The following EIF2A variants were observed in gnomAD, a reference collection of about 807,000 sequenced individuals.
EIF2A encodes the protein eukaryotic translation initiation factor 2A.
In EIF2A, 62 loss-of-function variants were observed where a neutral mutation model predicts 75.2. That is an observed-to-expected ratio of 0.82 (90% CI 0.67 to 1.02). EIF2A has a LOEUF of 1.02. Among genes scored for constraint, EIF2A ranks in the 50% least tolerant of loss-of-function variants. The pLI is 0.00. For missense variants in EIF2A, 611 were observed against 677.7 expected (o/e 0.90, Z 1.09); for synonymous variants, 207 against 239.0 (o/e 0.87, Z 1.23).
At position 150,567,891 on chromosome 3, in the gene EIF2A, A is replaced by G. The variant is rs374651881; in HGVS notation, c.550-11A>G. 8.3e-5 allele frequency: 133 copies of G among 1,593,866 alleles called. No individual in the cohort carries two copies. Among genetic ancestry groups the G allele is most frequent in the East Asian group, 2.7e-4 (12 of 44,770 alleles). ...AAAAATTAAGTAATGATTTATGTCT[A>G]TGTATCTTAGGTGGCTGTCTATGTT... is the stretch of plus-strand genomic sequence containing the variant. On this transcript the variant is annotated splice_polypyrimidine_tract_variant and intron_variant, in intron 7 of 13. Coordinates refer to ENST00000460851, the MANE Select transcript of EIF2A (RefSeq NM_032025.5).
rs568856421 is a variant in EIF2A, at chr3:150,564,180, T to C, written c.393-119T>C. 8 of 693,528 alleles carry C rather than the reference T, an allele frequency of 1.2e-5. No homozygotes were observed. The East Asian group carries it at 2.0e-4, about 18-fold the overall frequency. 43.0% of individuals were successfully genotyped at this position (693,528 alleles called of 1,614,324 possible). ...ACTGACTTAATATCATATTTATAAG[T>C]GTTTATAAGTGTTTTTCCTTAAATG... On this transcript the variant is annotated intron_variant, in intron 5 of 13. Transcript: ENST00000460851.
chr3:150,551,765 A>T (rs1723328683), intron 1 of EIF2A, among the ~76,000 whole-genome samples: 3 of 152,154 alleles, frequency 2.0e-5, no homozygotes, highest in African/African-American at 7.2e-5. Context: ...TAAGAAGTAT[A>T]GTCTAGTTCT....
intron 10 of EIF2A, 27 bp downstream of exon 10, chr3:150,572,556 G>GA: frequency 1.3e-6 from 2 of 1,569,850 alleles, no homozygotes; most frequent in Non-Finnish European, 1.7e-6. Context: ...TACTTTTATA[G>GA]AAAAAAGTTT....
intron 9 of EIF2A, 44 bp from the exon 10 acceptor site, chr3:150,571,914 T>C (rs1299144831): frequency 6.6e-7 from 1 of 1,525,462 alleles, no homozygotes; most frequent in South Asian, 1.3e-5. Context: ...CAAATATTTA[T>C]ATAGTTCTTT....
Position 150,550,680 on chromosome 3 carries a change from C to T in EIF2A, c.29-1676C>T, listed in dbSNP as rs142574527. Among the ~76,000 whole-genome samples, 448 of 152,258 alleles carry T rather than the reference C, an allele frequency of 2.9e-3. 2 individuals are homozygous for T. The highest frequency in any genetic ancestry group is 0.01 in the African/African-American group (420 of 41,548). ...CAGCCTAGGCAATGTAGTGAAACCT[C>T]GTCTCTACAAGAAATATAAAACTTA... On this transcript the variant is annotated intron_variant, in intron 1 of 13. Coordinates refer to ENST00000460851, the MANE Select transcript of EIF2A (RefSeq NM_032025.5).
chr3:150,567,789 T>C, intron 7 of EIF2A, 23 bp downstream of exon 7: 1 of 1,568,076 alleles, frequency 6.4e-7, no homozygotes, highest in Non-Finnish European at 8.6e-7. Context: ...TTTGTTTATG[T>C]GTAATATTAT....
At chr3:150,582,288 G>A (rs189257617) in intron 12 of EIF2A, among the ~76,000 whole-genome samples, 3 of 150,958 alleles carry the variant, frequency 2.0e-5, no homozygotes, top group African/African-American at 4.9e-5. Flanking sequence ...GAGCCTCCTC[G>A]CCTGGCCACT....
chr3:150,551,634 A>C (rs1168942472), intron 1 of EIF2A, among the ~76,000 whole-genome samples: 1 of 152,004 alleles, frequency 6.6e-6, no homozygotes, highest in Non-Finnish European at 1.5e-5. Flanking sequence ...AAACTGAGCC[A>C]GGAGCATCAC....
chr3:150,552,464 A>G, intron 2 of EIF2A, 39 bp downstream of exon 2: 2 of 1,501,636 alleles, frequency 1.3e-6, no homozygotes, highest in Non-Finnish European at 1.8e-6. Flanking sequence ...TAGGGAACAT[A>G]CAGTACAATC....
intron 2 of EIF2A, among the ~76,000 whole-genome samples, chr3:150,554,840 A>G (rs1485062734): frequency 2.0e-5 from 3 of 152,214 alleles, no homozygotes; most frequent in African/African-American, 7.2e-5. Flanking sequence ...CTATATTGGC[A>G]TCACTCCTGA....
chr3:150,582,832 G>A (rs748044733), intron 12 of EIF2A, among the ~76,000 whole-genome samples: 32 of 151,996 alleles, frequency 2.1e-4, no homozygotes, highest in Non-Finnish European at 1.6e-4. Flanking sequence ...ACTTTTTATC[G>A]GGCAGGACTT....
intron 2 of EIF2A, among the ~76,000 whole-genome samples, chr3:150,554,347 T>G (rs1235582730): frequency 1.3e-5 from 2 of 152,214 alleles, no homozygotes; most frequent in South Asian, 2.1e-4. Flanking sequence ...ACAAACTGTT[T>G]CTCAGAGTAA....
At chr3:150,563,260 G>A (rs1391448552) in intron 4 of EIF2A, among the ~76,000 whole-genome samples, 1 of 152,086 alleles carries the variant, frequency 6.6e-6, no homozygotes, top group Non-Finnish European at 1.5e-5. Context: ...CTGAGTTTTT[G>A]TTCTTTCAAG....
intron 2 of EIF2A, chr3:150,552,648 A>G (rs1723371904): frequency 8.2e-6 from 3 of 366,462 alleles, no homozygotes; most frequent in Non-Finnish European, 1.5e-5. Flanking sequence ...AGGGGGAACA[A>G]TACTAAGAAA....
intron 6 of EIF2A, chr3:150,567,224 TTGTTAC>T (rs1724235774): frequency 6.5e-6 from 1 of 152,762 alleles, no homozygotes. Context: ...ATATCAGCCA[TTGTTAC>T]TGTGGTTGTG....
At chr3:150,564,551 G>A (rs149875782) in intron 6 of EIF2A, 170 bp downstream of exon 6, 9,454 of 452,262 alleles carry the variant, frequency 0.021, 178 homozygotes, top group South Asian at 0.043. Context: ...GTGAAAATCT[G>A]TAACACAAAG....
intron 11 of EIF2A, among the ~76,000 whole-genome samples, chr3:150,579,296 T>G (rs1725045106): frequency 6.6e-6 from 1 of 152,168 alleles, no homozygotes; most frequent in Non-Finnish European, 1.5e-5. Context: ...ACAGGCTCCT[T>G]AAGAGGAGAA....
chr3:150,557,541 CAG>C (rs984748238), intron 2 of EIF2A: 3 of 233,030 alleles, frequency 1.3e-5, no homozygotes, highest in African/African-American at 7.1e-5. Flanking sequence ...GCTGGGACTA[CAG>C]GCGCCACCAC....
chr3:150,557,513 G>T (rs1183433029), intron 2 of EIF2A: 2 of 193,742 alleles, frequency 1.0e-5, no homozygotes, highest in Non-Finnish European at 2.2e-5. Flanking sequence ...CAATTCTCCT[G>T]TCTCAGCGTC....
Sources: gnomAD v4.1 joint callset for allele counts (sites outside exome capture counted in the v4.1 genomes callset) on GRCh38, gnomAD v4.1.1 for gene constraint, MANE v1.5 for transcripts, NCBI Gene and HGNC (gene_info 2026-07-23, HGNC 2026-07-21) for gene names.